Variants in C1orf198 observed in about 807,000 individuals in gnomAD.
C1orf198 encodes chromosome 1 open reading frame 198, also known as uncharacterized protein C1orf198.
Under a neutral mutation model 31.4 loss-of-function variants are expected in C1orf198, and 17 were observed. The observed-to-expected ratio is 0.54, with a 90% CI of 0.37 to 0.81. The LOEUF is 0.81. Ranked by LOEUF, C1orf198 falls within the 40% of genes least tolerant of loss-of-function variation. The pLI is 0.00. For synonymous variants in C1orf198, 175 were observed against 193.8 expected (o/e 0.90, Z 0.81); for missense variants, 401 against 450.3 (o/e 0.89, Z 0.99).
In C1orf198 at chr1:230,843,685, C is replaced by G. The variant is rs749135657; in HGVS notation, c.596G>C (p.Arg199Pro). The G allele has an allele frequency of 2.5e-6, 4 of 1,614,012 alleles. No individual in the cohort carries two copies. The highest frequency in any genetic ancestry group is 3.4e-6 in the Non-Finnish European group (4 of 1,179,966). Residue 199 changes from arginine (R) to proline (P), a missense_variant, in exon 3 of 4, where the codon CGA (arginine) becomes CCA (proline). Physicochemically the swap from Arg to Pro is moderately radical, Grantham distance 103 (BLOSUM62 -2). Coordinates refer to ENST00000366663, the MANE Select transcript of C1orf198 (RefSeq NM_032800.3). The surrounding 1 kb of genome is among the most constrained non-coding windows in gnomAD (Gnocchi z 4.9). ...SFWKINAERS[R>P]GEGPEAEFQS... Reference sequence around the variant, plus strand: ...GAACTCGGCCTCAGGCCCCTCCCCTCGGGACCGCTCAGCATTGATCTTCCA... The same window carrying G: ...GAACTCGGCCTCAGGCCCCTCCCCTGGGGACCGCTCAGCATTGATCTTCCA...
intron 2 of C1orf198, among the ~76,000 whole-genome samples, chr1:230,847,102 C>CAAAAAAA (rs71179741): frequency 1.4e-5 from 1 of 69,694 alleles, no homozygotes; most frequent in African/African-American, 9.6e-5. Context: ...GACTCCGTCT[C>CAAAAAAA]AAAAAAAAAA....
intron 2 of C1orf198, among the ~76,000 whole-genome samples, chr1:230,848,536 AG>A (rs1199811751): frequency 1.3e-5 from 2 of 152,206 alleles, no homozygotes; most frequent in Non-Finnish European, 2.9e-5. Context: ...AATAGCTATA[AG>A]AGAGGATGTA....
chr1:230,856,223 T>C (rs79824122), intron 1 of C1orf198: 2,240 of 154,816 alleles, frequency 0.014, 50 homozygotes, highest in African/African-American at 0.05. Flanking sequence ...TCAATGCCAA[T>C]ACAGGAGCTC....
Position 230,846,578 on chromosome 1 carries a change from C to T in C1orf198, c.385-2682G>A, listed in dbSNP as rs1669593703. ...AGCTTCCGACGGCTAGATGTCTTCC[C>T]TCCAGCCTTGGGAGATGAGATCACG... is the stretch of plus-strand genomic sequence containing the variant. On this transcript the variant is annotated intron_variant, in intron 2 of 3. Coordinates refer to ENST00000366663, the MANE Select transcript of C1orf198 (RefSeq NM_032800.3). Among the ~76,000 whole-genome samples, 2 of 152,374 alleles carry T rather than the reference C, an allele frequency of 1.3e-5. 1 individual carries two copies. Among genetic ancestry groups the T allele is most frequent in the African/African-American group, 4.8e-5 (2 of 41,600 alleles).
chr1:230,868,230 G>A lies in C1orf198; in HGVS notation c.283C>T (p.Pro95Ser), dbSNP rs775687288. The A allele has an allele frequency of 3.4e-5, 52 of 1,547,810 alleles. No individual in the cohort carries two copies. The African/African-American group carries it at 6.2e-4, about 19-fold the overall frequency. ...PGDSEELTRF[P>S]GLRGPTGQKV... is the part of the protein sequence containing the mutation. The stretch of plus-strand genomic sequence containing the variant: ...TGGCCCGTGGGCCCGCGCAAGCCGG[G>A]GAAGCGCGTGAGCTCCTCCGAGTCC... The change falls in exon 1 of 4, where the codon CCC becomes TCC. Residue 95 changes from proline (P) to serine (S), a missense_variant. By Grantham distance (74) the Pro-to-Ser change is moderately conservative. Transcript: ENST00000366663.
intron 2 of C1orf198, among the ~76,000 whole-genome samples, chr1:230,844,786 G>T (rs892654498): frequency 6.6e-6 from 1 of 152,190 alleles, no homozygotes; most frequent in African/African-American, 2.4e-5. Context: ...GCAGGGCAGG[G>T]CCTGGCACCC....
intron 2 of C1orf198, among the ~76,000 whole-genome samples, chr1:230,853,120 A>G (rs970624985): frequency 1.3e-5 from 2 of 152,198 alleles, no homozygotes; most frequent in Admixed American, 6.5e-5. Flanking sequence ...CAGATGACAC[A>G]TAAGTGATCC....
rs1669915961 is a variant in C1orf198, at chr1:230,857,874, C to G, written c.334-2156G>C. Among the ~76,000 whole-genome samples the G allele has an allele frequency of 1.3e-5, 2 of 152,156 alleles. No individual in the cohort carries two copies. Among genetic ancestry groups the G allele is most frequent in the Admixed American group, 1.3e-4 (2 of 15,286 alleles). The stretch of plus-strand genomic sequence containing the variant: ...ACCACATAGTGTGTGCAACTAATGA[C>G]CATGTGCACAGTAAGATGACCCCCA... On this transcript the variant is annotated intron_variant, in intron 1 of 3. Transcript: ENST00000366663. The surrounding 1 kb of genome is among the most constrained non-coding windows in gnomAD (Gnocchi z 4.2).
intron 1 of C1orf198, chr1:230,856,064 A>T: frequency 1.1e-6 from 1 of 939,156 alleles, no homozygotes; most frequent in East Asian, 6.4e-5. Context: ...CTGAACAATG[A>T]TTAGCTGTGT....
At position 230,840,541 on chromosome 1, in the gene C1orf198, A is replaced by C. The variant is rs1220650704; in HGVS notation, c.928-633T>G. On this transcript the variant is annotated intron_variant, in intron 3 of 3. Transcript: ENST00000366663. This position sits in a 1 kb window ranked among gnomAD's most constrained non-coding sequence, Gnocchi z 4.0. ...TAATGTCATTCTTCTTTCAGGGGAA[A>C]GGGCTTAACTGACAGGTCCCCTCTT... is the stretch of plus-strand genomic sequence containing the variant. Among the ~76,000 whole-genome samples the C allele has an allele frequency of 6.6e-6, 1 of 152,208 alleles. No individual in the cohort carries two copies. Among genetic ancestry groups the C allele is most frequent in the Non-Finnish European group, 1.5e-5 (1 of 68,036 alleles).
Position 230,838,359 on chromosome 1 carries a change from T to G in C1orf198, c.*1493A>C, listed in dbSNP as rs1669355404. 1 of 152,518 alleles carries G rather than the reference T, an allele frequency of 6.6e-6. No individual in the cohort carries two copies. The highest frequency in any genetic ancestry group is 1.5e-5 in the Non-Finnish European group (1 of 68,026). 9.4% of individuals were successfully genotyped at this position (152,518 alleles called of 1,614,324 possible). On this transcript the variant is annotated 3_prime_UTR_variant, in exon 4 of 4. Transcript: ENST00000366663. This position sits in a 1 kb window ranked among gnomAD's most constrained non-coding sequence, Gnocchi z 4.2. ...ATGAGGTTTAGGGACATAAAACAAT[T>G]GGCAAGAACCAAATCAAAAGTTGGC...
chr1:230,866,367 C>A (rs955615383), intron 1 of C1orf198, among the ~76,000 whole-genome samples: 12 of 152,320 alleles, frequency 7.9e-5, no homozygotes, highest in Admixed American at 5.2e-4. Flanking sequence ...ATGCTCTCAG[C>A]TGGTTTTGCA....
Position 230,839,796 on chromosome 1 carries a change from AC to A in C1orf198, c.*55del. On this transcript the variant is annotated 3_prime_UTR_variant, in exon 4 of 4. Transcript: ENST00000366663. ...AAGGTGGCCCTTTTTATCCTCCTCC[AC>A]CACACCACTTTGGAAAACATTTTAG... 1 of 1,517,548 alleles carries A rather than the reference AC, an allele frequency of 6.6e-7. No homozygotes were observed. Among genetic ancestry groups the A allele is most frequent in the Non-Finnish European group, 9.1e-7 (1 of 1,102,562 alleles). The allele number at this position is 1,517,548 out of a possible 1,614,324, so 94.0% of individuals were successfully genotyped here. A position where few individuals can be genotyped will look rare whatever the true frequency, so the allele number is the denominator to read the frequency against.
intron 2 of C1orf198, among the ~76,000 whole-genome samples, chr1:230,851,839 G>A (rs895325725): frequency 2.0e-5 from 3 of 152,226 alleles, no homozygotes; most frequent in Admixed American, 2.0e-4. Flanking sequence ...GCGTTGCATG[G>A]GGGCAGCGAC....
chr1:230,841,999 G>A (rs1669455772), intron 3 of C1orf198, among the ~76,000 whole-genome samples: 1 of 152,200 alleles, frequency 6.6e-6, no homozygotes, highest in African/African-American at 2.4e-5. Context: ...GAGCCTTGAA[G>A]ACGTCACATT....
At chr1:230,865,323 T>C (rs559847813) in intron 1 of C1orf198, among the ~76,000 whole-genome samples, 1 of 152,258 alleles carries the variant, frequency 6.6e-6, no homozygotes, top group African/African-American at 2.4e-5. Flanking sequence ...CTCCACAAAA[T>C]GGGGTTGGGT....
chr1:230,842,060 T>A (rs1669457675), intron 3 of C1orf198, among the ~76,000 whole-genome samples: 1 of 152,192 alleles, frequency 6.6e-6, no homozygotes, highest in Non-Finnish European at 1.5e-5. Context: ...GTGCTACTTA[T>A]ATGAGGTACC....
intron 1 of C1orf198, 184 bp from the exon 2 acceptor site, chr1:230,855,902 T>C (rs367965720): frequency 7.4e-7 from 1 of 1,351,874 alleles, no homozygotes. Context: ...TGCTCCCTCA[T>C]CTTTCCCGCT....
At chr1:230,841,810 G>A (rs1313213122) in intron 3 of C1orf198, among the ~76,000 whole-genome samples, 1 of 152,210 alleles carries the variant, frequency 6.6e-6, no homozygotes, top group Non-Finnish European at 1.5e-5. Context: ...AGCAGGGGCT[G>A]GAAGACTTAT....
Sources: gnomAD v4.1 joint callset for allele counts (sites outside exome capture counted in the v4.1 genomes callset) on GRCh38, gnomAD v4.1.1 for gene constraint, Gnocchi (gnomAD v3.1) non-coding constraint, MANE v1.5 for transcripts, NCBI Gene and HGNC (gene_info 2026-07-23, HGNC 2026-07-21) for gene names.